Variants in OR8J3 observed in about 807,000 individuals in gnomAD.
OR8J3 encodes the protein olfactory receptor 8J3.
For synonymous variants in OR8J3, 170 were observed against 142.6 expected (o/e 1.19, Z -1.37); for missense variants, 418 against 379.8 (o/e 1.10, Z -0.84).
Position 56,138,130 on chromosome 11 carries a change from C to G in OR8J3, c.-412G>C. 5.7e-6 allele frequency: 1 copy of G among 174,210 alleles called. No homozygotes were observed. Among genetic ancestry groups the G allele is most frequent in the Non-Finnish European group, 1.2e-5 (1 of 82,196 alleles). The allele number at this position is 174,210 out of a possible 1,614,324, so 10.8% of individuals were successfully genotyped here. A position where few individuals can be genotyped will look rare whatever the true frequency, so the allele number is the denominator to read the frequency against. ...CGCCAAATAATCCAATGGCTACTTG[C>G]AATTTCCTAATCTGATAATTCTTCC... On this transcript the variant is annotated 5_prime_UTR_variant, in exon 2 of 2. Transcript: ENST00000642058.
Position 56,136,759 on chromosome 11 carries a change from A to C in OR8J3, c.*12T>G. ...ATGAACTATCTCTTCATTTATTTAT[A>C]GAGCTCTAAAATTACATTGATTTAA... is the stretch of plus-strand genomic sequence containing the variant. On this transcript the variant is annotated 3_prime_UTR_variant, in exon 2 of 2. Coordinates refer to ENST00000642058, the MANE Select transcript of OR8J3 (RefSeq NM_001004064.2). The C allele has an allele frequency of 7.2e-6, 10 of 1,384,318 alleles. No individual in the cohort carries two copies. The highest frequency in any genetic ancestry group is 9.9e-6 in the Non-Finnish European group (10 of 1,008,330). 85.8% of individuals were successfully genotyped at this position (1,384,318 alleles called of 1,614,324 possible). A position where few individuals can be genotyped will look rare whatever the true frequency, so the allele number is the denominator to read the frequency against.
Position 56,137,305 on chromosome 11 carries a change from C to A in OR8J3, c.414G>T (p.Arg138=), listed in dbSNP as rs776110652. The A allele has an allele frequency of 3.1e-6, 5 of 1,613,914 alleles. No individual in the cohort carries two copies. The highest frequency in any genetic ancestry group is 3.4e-6 in the Non-Finnish European group (4 of 1,180,012). The change falls in exon 2 of 2, where the codon CGG becomes CGT. Residue 138 remains arginine, a synonymous_variant. Transcript: ENST00000642058. ...NPLLYMVVVS[R]RLCLLLVSLT... Reference sequence around the variant, plus strand: ...GGGACACCAGCAGGAGGCAGAGCCGCCGAGACACCACCACCATGTAGAGCA... The same window carrying A: ...GGGACACCAGCAGGAGGCAGAGCCGACGAGACACCACCACCATGTAGAGCA...
At position 56,137,714 on chromosome 11, in the gene OR8J3, G is replaced by A. The variant is rs749786781; in HGVS notation, c.5C>T (p.Ala2Val). The A allele has an allele frequency of 6.9e-6, 11 of 1,596,554 alleles. No homozygotes were observed. In the Admixed American group the frequency reaches 1.8e-4, roughly 26 times the overall value. Residue 2 changes from alanine (A) to valine (V), a missense_variant, in exon 2 of 2, where the codon GCT becomes GTT. Physicochemically the swap from Ala to Val is moderately conservative, Grantham distance 64. Coordinates refer to ENST00000642058, the MANE Select transcript of OR8J3 (RefSeq NM_001004064.2). ...AGTGACCCTGGTGAAATTTTCAGGA[G>A]CCATGTCAGAGTTTGGAAATTCATC... M[A>V]PENFTRVTEF... is the part of the protein sequence containing the mutation.
At chr11:56,138,531 C>G (rs1036951426) in intron 1 of OR8J3, 34 bp from the exon 2 acceptor site, 1 of 152,102 alleles carries the variant, frequency 6.6e-6, no homozygotes, top group African/African-American at 2.4e-5. Context: ...AATAATTAGC[C>G]GTGCGTCGTG....
In OR8J3 at chr11:56,135,479, T is replaced by C. The variant is rs1272905304; in HGVS notation, c.*1292A>G. On this transcript the variant is annotated 3_prime_UTR_variant, in exon 2 of 2. Transcript: ENST00000642058. ...CAACACCAAGGCAAATTAAAAGATA[T>C]CCAATCACTACTTTTCCAGTTACTT... The C allele has an allele frequency of 2.0e-5, 3 of 152,018 alleles. No individual in the cohort carries two copies. The highest frequency in any genetic ancestry group is 2.9e-5 in the Non-Finnish European group (2 of 67,890). The allele number at this position is 152,018 out of a possible 1,614,324, so 9.4% of individuals were successfully genotyped here.
chr11:56,137,691 T>C lies in OR8J3; in HGVS notation c.28A>G (p.Thr10Ala), dbSNP rs1231748498. 1 of 1,599,136 alleles carries C rather than the reference T, an allele frequency of 6.3e-7. No homozygotes were observed. The highest frequency in any genetic ancestry group is 1.3e-5 in the African/African-American group (1 of 74,204). MAPENFTRV[T>A]EFILTGVSSC... is the part of the protein sequence containing the mutation. Reference sequence around the variant, plus strand: ...GAGACACCTGTGAGAATAAACTCAGTGACCCTGGTGAAATTTTCAGGAGCC... The same window carrying C: ...GAGACACCTGTGAGAATAAACTCAGCGACCCTGGTGAAATTTTCAGGAGCC... The change falls in exon 2 of 2, where the codon ACT (threonine) becomes GCT (alanine). Residue 10 changes from threonine (T) to alanine (A), a missense_variant. Thr to Ala is a moderately conservative substitution (Grantham distance 58). Coordinates refer to ENST00000642058, the MANE Select transcript of OR8J3 (RefSeq NM_001004064.2).
At position 56,135,987 on chromosome 11, in the gene OR8J3, A is replaced by G. The variant is rs980081778; in HGVS notation, c.*784T>C. 6.6e-6 allele frequency: 1 copy of G among 152,052 alleles called. No homozygotes were observed. The highest frequency in any genetic ancestry group is 1.5e-5 in the Non-Finnish European group (1 of 67,918). 9.4% of individuals were successfully genotyped at this position (152,052 alleles called of 1,614,324 possible). The stretch of plus-strand genomic sequence containing the variant: ...AACAAAAATTCAAAAAATATTTCTG[A>G]TGATGTAAGAAACTCCCATGAACAA... On this transcript the variant is annotated 3_prime_UTR_variant, in exon 2 of 2. Transcript: ENST00000642058.
intron 1 of OR8J3, among the ~76,000 whole-genome samples, chr11:56,139,734 G>T (rs1046805642): frequency 2.6e-5 from 4 of 152,222 alleles, no homozygotes; most frequent in Non-Finnish European, 5.9e-5. Flanking sequence ...TACAAGGAAG[G>T]CTCTTCTGAG....
At position 56,138,512 on chromosome 11, in the gene OR8J3, A is replaced by G. The variant is rs538033046; in HGVS notation, c.-779-15T>C. ...GAAACCCCTTTCTACAAACAAACAA[A>G]CAAAAAAAAATAATTAGCCGTGCGT... On this transcript the variant is annotated splice_polypyrimidine_tract_variant and intron_variant, in intron 1 of 1. Coordinates refer to ENST00000642058, the MANE Select transcript of OR8J3 (RefSeq NM_001004064.2). The G allele has an allele frequency of 6.6e-6, 1 of 152,148 alleles. No homozygotes were observed. The highest frequency in any genetic ancestry group is 1.9e-4 in the East Asian group (1 of 5,158). 9.4% of individuals were successfully genotyped at this position (152,148 alleles called of 1,614,324 possible). A position where few individuals can be genotyped will look rare whatever the true frequency, so the allele number is the denominator to read the frequency against.
At position 56,136,073 on chromosome 11, in the gene OR8J3, A is replaced by G. The variant is rs1239842999; in HGVS notation, c.*698T>C. 2 of 152,028 alleles carry G rather than the reference A, an allele frequency of 1.3e-5. No homozygotes were observed. The highest frequency in any genetic ancestry group is 2.9e-5 in the Non-Finnish European group (2 of 67,922). 9.4% of individuals were successfully genotyped at this position (152,028 alleles called of 1,614,324 possible). Reference sequence around the variant, plus strand: ...CATTTGTTTTACCTATGAAGGATGAATGATATTTAGAGGAAGGAGAAAAGG... The same window carrying G: ...CATTTGTTTTACCTATGAAGGATGAGTGATATTTAGAGGAAGGAGAAAAGG... On this transcript the variant is annotated 3_prime_UTR_variant, in exon 2 of 2. Coordinates refer to ENST00000642058, the MANE Select transcript of OR8J3 (RefSeq NM_001004064.2).
intron 1 of OR8J3, among the ~76,000 whole-genome samples, chr11:56,138,884 T>G (rs1302166465): frequency 6.6e-6 from 1 of 152,324 alleles, no homozygotes; most frequent in African/African-American, 2.4e-5. Context: ...AAATGTTATA[T>G]TTCTTAAATT....
intron 1 of OR8J3, among the ~76,000 whole-genome samples, chr11:56,139,741 T>A (rs1309030716): frequency 6.6e-6 from 1 of 152,234 alleles, no homozygotes; most frequent in Non-Finnish European, 1.5e-5. Flanking sequence ...AAGGCTCTTC[T>A]GAGAAGGTGG....
At chr11:56,139,162 G>C (rs1363938697) in intron 1 of OR8J3, among the ~76,000 whole-genome samples, 2 of 152,022 alleles carry the variant, frequency 1.3e-5, no homozygotes, top group African/African-American at 2.4e-5. Context: ...GTGGGCACCT[G>C]GTCCAAATAA....
rs1255154269 is a variant in OR8J3 at position 56,135,869 on chromosome 11, A to G, written c.*902T>C. The stretch of plus-strand genomic sequence containing the variant: ...ATGATTTTTATTTGATAAGTCTGGG[A>G]TATATCCTATAAGTCTGATTACTCC... On this transcript the variant is annotated 3_prime_UTR_variant, in exon 2 of 2. Coordinates refer to ENST00000642058, the MANE Select transcript of OR8J3 (RefSeq NM_001004064.2). 6.6e-6 allele frequency: 1 copy of G among 151,998 alleles called. No individual in the cohort carries two copies. Among genetic ancestry groups the G allele is most frequent in the African/African-American group, 2.4e-5 (1 of 41,438 alleles). 9.4% of individuals were successfully genotyped at this position (151,998 alleles called of 1,614,324 possible).
rs951011845 is a variant in OR8J3, at chr11:56,136,206, G to T, written c.*565C>A. 6.6e-6 allele frequency: 1 copy of T among 151,704 alleles called. No individual in the cohort carries two copies. The highest frequency in any genetic ancestry group is 2.4e-5 in the African/African-American group (1 of 41,332). 9.4% of individuals were successfully genotyped at this position (151,704 alleles called of 1,614,324 possible). A position where few individuals can be genotyped will look rare whatever the true frequency, so the allele number is the denominator to read the frequency against. On this transcript the variant is annotated 3_prime_UTR_variant, in exon 2 of 2. Transcript: ENST00000642058. ...AAAATTGCAGAAAATATATTAGTTG[G>T]AATAAAATATTTTCAATTATATAAT...
At chr11:56,139,076 A>G (rs1854364469) in intron 1 of OR8J3, among the ~76,000 whole-genome samples, 1 of 152,282 alleles carries the variant, frequency 6.6e-6, no homozygotes, top group East Asian at 1.9e-4. Context: ...CTAGAGTTGT[A>G]TATTTTAATC....
chr11:56,139,016 T>C (rs915835950), intron 1 of OR8J3, among the ~76,000 whole-genome samples: 8 of 152,134 alleles, frequency 5.3e-5, no homozygotes, highest in African/African-American at 1.7e-4. Flanking sequence ...TTATGTTGCA[T>C]GTATTTGCCA....
rs758745208 is a variant in OR8J3, at chr11:56,137,501, T to C, written c.218A>G (p.Asn73Ser). ...LRHLAIINLG[N>S]STVIAPKMLM... The stretch of plus-strand genomic sequence containing the variant: ...CATTTTAGGGGCAATGACAGTAGAG[T>C]TGCCAAGATTGATGATAGCTAGATG... Residue 73 changes from asparagine to serine, a missense_variant, in exon 2 of 2, where the codon AAC becomes AGC. Asn to Ser is a conservative substitution (Grantham distance 46). Coordinates refer to ENST00000642058, the MANE Select transcript of OR8J3 (RefSeq NM_001004064.2). 2.2e-5 allele frequency: 35 copies of C among 1,613,998 alleles called. No individual in the cohort carries two copies. The South Asian group carries it at 2.3e-4, about 11-fold the overall frequency.
rs1024231388 is a variant in OR8J3, at chr11:56,135,952, A to G, written c.*819T>C. ...GTACACTTACTGATCAAAAACTATC[A>G]GAAAAAAAGAACAAAAATTCAAAAA... On this transcript the variant is annotated 3_prime_UTR_variant, in exon 2 of 2. Coordinates refer to ENST00000642058, the MANE Select transcript of OR8J3 (RefSeq NM_001004064.2). The G allele has an allele frequency of 2.0e-5, 3 of 152,042 alleles. No homozygotes were observed. Among genetic ancestry groups the G allele is most frequent in the Non-Finnish European group, 4.4e-5 (3 of 67,910 alleles). 9.4% of individuals were successfully genotyped at this position (152,042 alleles called of 1,614,324 possible).
Sources: gnomAD v4.1 joint callset for allele counts (sites outside exome capture counted in the v4.1 genomes callset) on GRCh38, gnomAD v4.1.1 for gene constraint, MANE v1.5 for transcripts, NCBI Gene and HGNC (gene_info 2026-07-23, HGNC 2026-07-21) for gene names.